TSBP1: variants seen among roughly 807,000 people sequenced by gnomAD.
TSBP1 encodes testis-expressed basic protein 1.
TSBP1 carries 56 observed loss-of-function variants against 68.8 expected under a neutral mutation model. That is an observed-to-expected ratio of 0.81 (90% CI 0.66 to 1.02). The LOEUF (loss-of-function observed/expected upper bound fraction) is 1.02. TSBP1 is among the 50% of genes least tolerant of loss of function. TSBP1 has a pLI of 0.00. For missense variants in TSBP1, 502 were observed against 641.2 expected (o/e 0.78, Z 2.34); for synonymous variants, 171 against 208.7 (o/e 0.82, Z 1.56).
Position 32,343,311 on chromosome 6 carries a change from A to G in TSBP1, c.350-3673T>C. ...CAGTCTAAAGTTTCAATAATCCATCAATTTCCCAAAAGTCTTCCCAGAAAT... is the reference window on the plus strand; with the variant it reads ...CAGTCTAAAGTTTCAATAATCCATCGATTTCCCAAAAGTCTTCCCAGAAAT... On this transcript the variant is annotated intron_variant, in intron 9 of 22. Transcript: ENST00000612031. This position sits in a 1 kb window ranked among gnomAD's most constrained non-coding sequence, Gnocchi z 4.3. The G allele has an allele frequency of 8.5e-7, 1 of 1,180,208 alleles. No homozygotes were observed. The highest frequency in any genetic ancestry group is 1.1e-6 in the Non-Finnish European group (1 of 888,372). The allele number at this position is 1,180,208 out of a possible 1,614,324, so 73.1% of individuals were successfully genotyped here. A position where few individuals can be genotyped will look rare whatever the true frequency, so the allele number is the denominator to read the frequency against.
chr6:32,328,787 G>A (rs929754431), intron 16 of TSBP1, among the ~76,000 whole-genome samples: 1 of 151,814 alleles, frequency 6.6e-6, no homozygotes, highest in South Asian at 2.1e-4. Flanking sequence ...TGCTGACCTC[G>A]TGATCCACCT....
intron 19 of TSBP1, among the ~76,000 whole-genome samples, chr6:32,309,327 T>A (rs1766132126): frequency 2.0e-5 from 3 of 148,782 alleles, no homozygotes; most frequent in Non-Finnish European, 4.5e-5. Flanking sequence ...TTTACTGTCA[T>A]GTTTTGTTGA....
At chr6:32,310,153 T>C (rs141262113) in intron 19 of TSBP1, among the ~76,000 whole-genome samples, 1 of 152,324 alleles carries the variant, frequency 6.6e-6, no homozygotes, top group East Asian at 1.9e-4. Context: ...ATGTCTAGTG[T>C]TAACATGATT....
In TSBP1 at chr6:32,315,894, G is replaced by T; in HGVS notation, c.560-102C>A. On this transcript the variant is annotated intron_variant, in intron 18 of 22. Coordinates refer to ENST00000612031, the Ensembl canonical transcript of TSBP1. This position sits in a 1 kb window ranked among gnomAD's most constrained non-coding sequence, Gnocchi z 5.4. ...TGGAGTCTGTGAGGGGAGGACTTGT[G>T]TGGGCAAAGAAGGAAGCATTCCAAA... 1.4e-6 allele frequency: 1 copy of T among 707,956 alleles called. No individual in the cohort carries two copies. The highest frequency in any genetic ancestry group is 2.1e-5 in the South Asian group (1 of 48,274). 43.9% of individuals were successfully genotyped at this position (707,956 alleles called of 1,614,324 possible).
At position 32,325,516 on chromosome 6, in the gene TSBP1, C is replaced by T. The variant is rs1391120168; in HGVS notation, c.515-1902G>A. ...AGAGAAGATTCTCAAATACCAGGTG[C>T]CCACTTAACTGTGAAAAAGATATAT... is the stretch of plus-strand genomic sequence containing the variant. On this transcript the variant is annotated intron_variant, in intron 16 of 22. Transcript: ENST00000612031. This position sits in a 1 kb window ranked among gnomAD's most constrained non-coding sequence, Gnocchi z 4.4. 3 of 866,564 alleles carry T rather than the reference C, an allele frequency of 3.5e-6. No homozygotes were observed. Among genetic ancestry groups the T allele is most frequent in the Non-Finnish European group, 5.8e-6 (3 of 514,252 alleles). The allele number at this position is 866,564 out of a possible 1,614,324, so 53.7% of individuals were successfully genotyped here. A position where few individuals can be genotyped will look rare whatever the true frequency, so the allele number is the denominator to read the frequency against.
rs1017339645 is a variant in TSBP1, at chr6:32,340,635, G to C, written c.350-997C>G. Among the ~76,000 whole-genome samples the C allele has an allele frequency of 1.3e-5, 2 of 152,156 alleles. No homozygotes were observed. Among genetic ancestry groups the C allele is most frequent in the East Asian group, 1.9e-4 (1 of 5,204 alleles). On this transcript the variant is annotated intron_variant, in intron 9 of 22. Coordinates refer to ENST00000612031, the Ensembl canonical transcript of TSBP1. The surrounding 1 kb of genome is among the most constrained non-coding windows in gnomAD (Gnocchi z 4.8). ...GATCAATTATTAATGACTATCTGGA[G>C]ATGACAAGAATTTTAGGATACATGT...
At chr6:32,332,669 G>A (rs1769182657) in intron 14 of TSBP1, among the ~76,000 whole-genome samples, 1 of 152,050 alleles carries the variant, frequency 6.6e-6, no homozygotes. Context: ...GAATGCAGTG[G>A]TGCAATCCTA....
chr6:32,349,256 G>A (rs963609407), intron 9 of TSBP1, among the ~76,000 whole-genome samples: 1 of 149,816 alleles, frequency 6.7e-6, no homozygotes, highest in African/African-American at 2.5e-5. Flanking sequence ...AGGAACGCCT[G>A]GGAGCACCAA....
rs897292508 is a variant in TSBP1, at chr6:32,293,041, T to C, written c.1632A>G (p.Lys544=). The C allele has an allele frequency of 1.9e-6, 3 of 1,612,396 alleles. No individual in the cohort carries two copies. The African/African-American group carries it at 4.0e-5, about 22-fold the overall frequency. The change falls in exon 23 of 23, where the codon AAA becomes AAG. Residue 544 remains lysine (K), a synonymous_variant. Coordinates refer to ENST00000612031, the Ensembl canonical transcript of TSBP1. ...TATTTGCCTTCGCCCTTTTCGAGCCTTTTGATTTTTCACCATTGATTTCTG... is the reference window on the plus strand; with the variant it reads ...TATTTGCCTTCGCCCTTTTCGAGCCCTTTGATTTTTCACCATTGATTTCTG...
intron 8 of TSBP1, among the ~76,000 whole-genome samples, chr6:32,350,606 T>C (rs1490384721): frequency 1.3e-5 from 2 of 152,220 alleles, no homozygotes; most frequent in African/African-American, 2.4e-5. Context: ...ATCAAGGCCA[T>C]AGGCCTCATG....
At chr6:32,296,753 G>GAAGTAT (rs1764767402) in intron 22 of TSBP1, among the ~76,000 whole-genome samples, 1 of 152,068 alleles carries the variant, frequency 6.6e-6, no homozygotes, top group African/African-American at 2.4e-5. Context: ...ATTTGCTACT[G>GAAGTAT]TGTGTAATAC....
At position 32,370,116 on chromosome 6, in the gene TSBP1, T is replaced by C; in HGVS notation, c.14-133A>G. ...CCTTTCTGCTACTTCAACTCCTTTA[T>C]TCTTTTATTTGCCGCATATTACTGT... On this transcript the variant is annotated intron_variant, in intron 1 of 22. Coordinates refer to ENST00000612031, the Ensembl canonical transcript of TSBP1. The C allele has an allele frequency of 3.0e-6, 2 of 658,204 alleles. 1 individual carries two copies. Among genetic ancestry groups the C allele is most frequent in the South Asian group, 3.6e-5 (2 of 56,084 alleles). The allele number at this position is 658,204 out of a possible 1,614,324, so 40.8% of individuals were successfully genotyped here. A position where few individuals can be genotyped will look rare whatever the true frequency, so the allele number is the denominator to read the frequency against.
chr6:32,330,348 T>C (rs1484882305), intron 16 of TSBP1, among the ~76,000 whole-genome samples: 1 of 152,186 alleles, frequency 6.6e-6, no homozygotes. Context: ...AAAATTCTTG[T>C]ATATTGTTAT....
chr6:32,344,677 C>T (rs1251830975), intron 9 of TSBP1, among the ~76,000 whole-genome samples: 1 of 152,064 alleles, frequency 6.6e-6, no homozygotes, highest in Non-Finnish European at 1.5e-5. Flanking sequence ...TCCTCTATGC[C>T]AGCTGTAGTG....
rs377684417 is a variant in TSBP1, at chr6:32,328,351, G to A, written c.514+2238C>T. On this transcript the variant is annotated intron_variant, in intron 16 of 22. Transcript: ENST00000612031. ...CAACCTCCACCTCCTGGGTTCAAGC[G>A]ATTCTCCTGCCTCTGCCTCCTGAGT... Among the ~76,000 whole-genome samples, 11 of 151,930 alleles carry A rather than the reference G, an allele frequency of 7.2e-5. No homozygotes were observed. In the East Asian group the frequency reaches 1.6e-3, roughly 21 times the overall value.
rs9268169 is a variant in TSBP1, at chr6:32,304,930, A to G, written c.581-2301T>C. 0.21 allele frequency among the ~76,000 whole-genome samples: 31,918 copies of G among 151,838 alleles called. 3,515 individuals are homozygous for G. The highest frequency in any genetic ancestry group is 0.22 in the East Asian group (1,154 of 5,160). On this transcript the variant is annotated intron_variant, in intron 19 of 22. Transcript: ENST00000612031. The surrounding 1 kb of genome is among the most constrained non-coding windows in gnomAD (Gnocchi z 4.8). ...CAAAATATCTGTTCTCTTCTTCACCATTCATTGTATTCTCCTTCTAGATTT... is the reference window on the plus strand; with the variant it reads ...CAAAATATCTGTTCTCTTCTTCACCGTTCATTGTATTCTCCTTCTAGATTT...
At chr6:32,307,865 T>C (rs1426509244) in intron 19 of TSBP1, among the ~76,000 whole-genome samples, 1 of 151,700 alleles carries the variant, frequency 6.6e-6, no homozygotes, top group Non-Finnish European at 1.5e-5. Flanking sequence ...AACCTCTGCC[T>C]CCTAGGTTCA....
chr6:32,368,428 A>G (rs3129935), intron 3 of TSBP1, among the ~76,000 whole-genome samples: 21,323 of 152,186 alleles, frequency 0.14, 1,680 homozygotes, highest in Non-Finnish European at 0.17. Flanking sequence ...CCACTTCACT[A>G]AGGCCATCTT....
chr6:32,316,331 T>G lies in TSBP1; in HGVS notation c.560-539A>C, dbSNP rs9268219. ...GAATAATGGGAACCACAAATCACTT[T>G]GACAGAAGTGAAGTGAAGGGGACCA... On this transcript the variant is annotated intron_variant, in intron 18 of 22. Transcript: ENST00000612031. The surrounding 1 kb of genome is among the most constrained non-coding windows in gnomAD (Gnocchi z 4.5). The G allele has an allele frequency of 0.089, 117,948 of 1,331,114 alleles. 7,135 individuals carry two copies. The highest frequency in any genetic ancestry group is 0.11 in the Non-Finnish European group (106,461 of 946,266). 82.5% of individuals were successfully genotyped at this position (1,331,114 alleles called of 1,614,324 possible).
Sources: allele counts gnomAD v4.1 joint callset (sites outside exome capture counted in the v4.1 genomes callset), GRCh38; gene constraint gnomAD v4.1.1; non-coding constraint Gnocchi (gnomAD v3.1); transcripts MANE v1.5; gene names NCBI Gene and HGNC (gene_info 2026-07-23, HGNC 2026-07-21).